FUT9: variants seen among roughly 807,000 people sequenced by gnomAD.
The protein encoded by FUT9 is 4-galactosyl-N-acetylglucosaminide 3-alpha-L-fucosyltransferase 9.
In FUT9, 15 loss-of-function variants were observed where a neutral mutation model predicts 29.7. The observed-to-expected ratio is 0.51, with a 90% CI of 0.34 to 0.78. FUT9 has a LOEUF of 0.78. FUT9 is among the 30% of genes least tolerant of loss of function. The probability of loss-of-function intolerance (pLI) is 0.01; values close to 1 mark genes in which losing one functional copy is unlikely to be tolerated. For missense variants in FUT9, 319 were observed against 425.4 expected (o/e 0.75, Z 2.20); for synonymous variants, 169 against 153.7 (o/e 1.10, Z -0.74).
intron 1 of FUT9, among the ~76,000 whole-genome samples, chr6:96,064,159 G>A (rs9377342): frequency 0.023 from 3,426 of 152,226 alleles, 63 homozygotes; most frequent in East Asian, 0.076. Flanking sequence ...TAGTGGATAA[G>A]TTGCTTGTTC....
chr6:96,146,990 T>G (rs1772579758), intron 2 of FUT9, among the ~76,000 whole-genome samples: 1 of 152,056 alleles, frequency 6.6e-6, no homozygotes, highest in Non-Finnish European at 1.5e-5. Context: ...CACAAATGCT[T>G]CTCTTTCAGA....
At chr6:96,066,508 G>A (rs1004108940) in intron 1 of FUT9, among the ~76,000 whole-genome samples, 6 of 151,924 alleles carry the variant, frequency 3.9e-5, no homozygotes, top group African/African-American at 1.5e-4. Context: ...ATTGTCATCC[G>A]AAGCCATTTA....
chr6:96,167,450 G>A (rs1582280455), intron 2 of FUT9, among the ~76,000 whole-genome samples: 1 of 152,228 alleles, frequency 6.6e-6, no homozygotes, highest in East Asian at 1.9e-4. Context: ...TGCAAATATA[G>A]CTAATGTTTA....
At chr6:96,047,269 G>T (rs1770580353) in intron 1 of FUT9, among the ~76,000 whole-genome samples, 1 of 152,144 alleles carries the variant, frequency 6.6e-6, no homozygotes, top group South Asian at 2.1e-4. Flanking sequence ...ATAAGTATGT[G>T]TGACCCTCTC....
At chr6:96,186,074 T>G (rs554453493) in intron 2 of FUT9, among the ~76,000 whole-genome samples, 1 of 152,244 alleles carries the variant, frequency 6.6e-6, no homozygotes, top group African/African-American at 2.4e-5. Context: ...AAAAAGTATG[T>G]TAATTAGTTC....
intron 2 of FUT9, among the ~76,000 whole-genome samples, chr6:96,202,909 G>C (rs1403991686): frequency 6.6e-6 from 1 of 152,092 alleles, no homozygotes; most frequent in Non-Finnish European, 1.5e-5. Context: ...ACGTTACTTG[G>C]TTTGAAGATA....
At chr6:96,124,845 T>C (rs1772103768) in intron 2 of FUT9, among the ~76,000 whole-genome samples, 1 of 152,236 alleles carries the variant, frequency 6.6e-6, no homozygotes, top group South Asian at 2.1e-4. Context: ...TATAATTTTT[T>C]ATTTTTGAAA....
intron 2 of FUT9, among the ~76,000 whole-genome samples, chr6:96,143,880 C>A (rs1345895380): frequency 1.3e-5 from 2 of 151,054 alleles, no homozygotes; most frequent in African/African-American, 4.8e-5. Context: ...AAGCAGATTG[C>A]CCTTGCTTAT....
intron 1 of FUT9, among the ~76,000 whole-genome samples, chr6:96,067,419 G>A (rs922463180): frequency 1.1e-4 from 17 of 152,028 alleles, no homozygotes; most frequent in African/African-American, 3.9e-4. Context: ...ATTTTAAACA[G>A]AAAACAGAAG....
Position 96,057,297 on chromosome 6 carries a change from G to A in FUT9, c.-98+41085G>A, listed in dbSNP as rs187790940. 2.9e-3 allele frequency among the ~76,000 whole-genome samples: 439 copies of A among 152,142 alleles called. 2 individuals are homozygous for A. The highest frequency in any genetic ancestry group is 0.01 in the African/African-American group (425 of 41,492). On this transcript the variant is annotated intron_variant, in intron 1 of 2. Coordinates refer to ENST00000302103, the MANE Select transcript of FUT9 (RefSeq NM_006581.4). The stretch of plus-strand genomic sequence containing the variant: ...CTCATGCTTCAATACCTAGAAGAGT[G>A]GTAAAATATTGCAGTTTGAGTGTCT...
At chr6:96,192,657 C>T (rs1262647427) in intron 2 of FUT9, among the ~76,000 whole-genome samples, 3 of 152,132 alleles carry the variant, frequency 2.0e-5, no homozygotes, top group African/African-American at 7.2e-5. Context: ...AATGCCATCC[C>T]TGTCAAGCTA....
intron 1 of FUT9, among the ~76,000 whole-genome samples, chr6:96,107,972 C>A (rs1380236547): frequency 6.8e-6 from 1 of 148,142 alleles, no homozygotes; most frequent in African/African-American, 2.5e-5. Flanking sequence ...TCATGCACGT[C>A]TCTCATGGCC....
intron 2 of FUT9, among the ~76,000 whole-genome samples, chr6:96,198,622 G>A (rs1773672620): frequency 6.6e-6 from 1 of 152,064 alleles, no homozygotes; most frequent in African/African-American, 2.4e-5. Context: ...CAGTCCTTTG[G>A]GTATATACCC....
chr6:96,103,237 A>T (rs1771618760), intron 1 of FUT9, among the ~76,000 whole-genome samples: 1 of 152,116 alleles, frequency 6.6e-6, no homozygotes, highest in Non-Finnish European at 1.5e-5. Flanking sequence ...GCGTGTGTGT[A>T]TATGCATATG....
intron 1 of FUT9, among the ~76,000 whole-genome samples, chr6:96,060,876 A>T (rs1021684342): frequency 8.5e-5 from 13 of 152,170 alleles, no homozygotes; most frequent in Admixed American, 2.6e-4. Context: ...TTAGCTGGAC[A>T]TTTACAGCAT....
intron 1 of FUT9, among the ~76,000 whole-genome samples, chr6:96,110,265 G>T (rs1318586813): frequency 6.6e-6 from 1 of 152,080 alleles, no homozygotes; most frequent in East Asian, 1.9e-4. Context: ...CTGACATCTG[G>T]TTAAAGCTGC....
rs552226109 is a variant in FUT9, at chr6:96,209,881, G to GC, written c.*5653dup. ...ATTAGAATTTCTTCAAATAATCCAT[G>GC]CCCCCCCGTCACCCAAAAAAAGAGC... On this transcript the variant is annotated 3_prime_UTR_variant, in exon 3 of 3. Coordinates refer to ENST00000302103, the MANE Select transcript of FUT9 (RefSeq NM_006581.4). 27 of 166,066 alleles carry GC rather than the reference G, an allele frequency of 1.6e-4. No individual in the cohort carries two copies. Among genetic ancestry groups the GC allele is most frequent in the East Asian group, 1.2e-3 (6 of 5,162 alleles). The allele number at this position is 166,066 out of a possible 1,614,324, so 10.3% of individuals were successfully genotyped here.
At chr6:96,017,089 T>C (rs1015639778) in intron 1 of FUT9, among the ~76,000 whole-genome samples, 3 of 152,210 alleles carry the variant, frequency 2.0e-5, no homozygotes, top group African/African-American at 7.2e-5. Flanking sequence ...GGTGAATCTC[T>C]TTCAGCAACA....
intron 1 of FUT9, chr6:96,036,522 T>A (rs1010904960): frequency 6.6e-6 from 1 of 151,920 alleles, no homozygotes. Flanking sequence ...TTTTTGGGTT[T>A]TGTTTCTTCC....
Sources: gnomAD v4.1 joint callset for allele counts (sites outside exome capture counted in the v4.1 genomes callset) on GRCh38, gnomAD v4.1.1 for gene constraint, MANE v1.5 for transcripts, NCBI Gene and HGNC (gene_info 2026-07-23, HGNC 2026-07-21) for gene names.